Variants in PPP4R3A observed in about 807,000 individuals in gnomAD.
PPP4R3A encodes serine/threonine-protein phosphatase 4 regulatory subunit 3A.
A neutral mutation model predicts 91.7 loss-of-function variants in PPP4R3A; 15 were observed. The ratio of observed to expected loss-of-function variants is 0.16; its 90% CI spans 0.11 to 0.25. PPP4R3A has a LOEUF of 0.25. Among genes scored for constraint, PPP4R3A ranks in the 10% least tolerant of loss-of-function variants. The pLI is 1.00. For missense variants in PPP4R3A, 623 were observed against 998.4 expected (o/e 0.62, Z 5.07); for synonymous variants, 377 against 348.7 (o/e 1.08, Z -0.91).
At chr14:91,462,364 G>A in intron 12 of PPP4R3A, 125 bp from the exon 13 acceptor site, 7 of 954,198 alleles carry the variant, frequency 7.3e-6, no homozygotes, top group Non-Finnish European at 1.0e-5. Context: ...AAGTATCAAT[G>A]TAAATCCAGG....
At chr14:91,491,469 G>C (rs946437980) in intron 1 of PPP4R3A, among the ~76,000 whole-genome samples, 21 of 151,834 alleles carry the variant, frequency 1.4e-4, no homozygotes, top group Admixed American at 1.2e-3. Flanking sequence ...GTGCAGTGGC[G>C]CGATCTCGGC....
chr14:91,485,768 C>T lies in PPP4R3A; in HGVS notation c.199-38G>A, dbSNP rs1055204235. The stretch of plus-strand genomic sequence containing the variant: ...AAAAGGAGTCTGAATGATTAACATA[C>T]ACTATCACAAACGAAAATGAACAAA... On this transcript the variant is annotated intron_variant, in intron 2 of 14. Transcript: ENST00000554943. 8 of 1,395,966 alleles carry T rather than the reference C, an allele frequency of 5.7e-6. No individual in the cohort carries two copies. In the African/African-American group the frequency reaches 8.6e-5, roughly 15 times the overall value. The allele number at this position is 1,395,966 out of a possible 1,614,324, so 86.5% of individuals were successfully genotyped here. A position where few individuals can be genotyped will look rare whatever the true frequency, so the allele number is the denominator to read the frequency against.
At chr14:91,503,936 T>C (rs957511832) in intron 1 of PPP4R3A, among the ~76,000 whole-genome samples, 3 of 152,112 alleles carry the variant, frequency 2.0e-5, no homozygotes, top group African/African-American at 4.8e-5. Flanking sequence ...AGGTAATCTA[T>C]CTTCCTTAAA....
rs991629884 is a variant in PPP4R3A at position 91,457,612 on chromosome 14, T to G, written c.*1147A>C. 2.6e-5 allele frequency: 4 copies of G among 152,564 alleles called. No individual in the cohort carries two copies. The highest frequency in any genetic ancestry group is 9.7e-5 in the African/African-American group (4 of 41,450). 9.5% of individuals were successfully genotyped at this position (152,564 alleles called of 1,614,324 possible). On this transcript the variant is annotated 3_prime_UTR_variant, in exon 15 of 15. Transcript: ENST00000554943. Reference sequence around the variant, plus strand: ...ACAAGAAACATACAACTAATACAATTTCTCTTACTCTTCACTTTTCTTTTT... The same window carrying G: ...ACAAGAAACATACAACTAATACAATGTCTCTTACTCTTCACTTTTCTTTTT...
At chr14:91,463,882 A>C (rs1039756649) in intron 11 of PPP4R3A, among the ~76,000 whole-genome samples, 13 of 152,166 alleles carry the variant, frequency 8.5e-5, no homozygotes, top group Admixed American at 2.0e-4. Context: ...AGTACCCAAT[A>C]GGTAGTTTTT....
chr14:91,488,405 A>C (rs1414008707), intron 2 of PPP4R3A, among the ~76,000 whole-genome samples: 1 of 152,116 alleles, frequency 6.6e-6, no homozygotes, highest in Non-Finnish European at 1.5e-5. Context: ...AAACACCTCA[A>C]ACTCCACTTT....
chr14:91,481,096 G>C lies in PPP4R3A; in HGVS notation c.915+480C>G, dbSNP rs1595066865. ...ACCTGTAATCCCAGCACTTTGGGAG[G>C]CCAGGGCAGGCAGATTGCTTGAGCT... On this transcript the variant is annotated intron_variant, in intron 4 of 14. Coordinates refer to ENST00000554943, the MANE Select transcript of PPP4R3A (RefSeq NM_001366432.2). 3.3e-5 allele frequency among the ~76,000 whole-genome samples: 5 copies of C among 152,132 alleles called. No homozygotes were observed. The South Asian group carries it at 1.0e-3, about 32-fold the overall frequency.
chr14:91,491,936 TCAAA>T (rs1890252986), intron 1 of PPP4R3A, among the ~76,000 whole-genome samples: 1 of 149,246 alleles, frequency 6.7e-6, no homozygotes, highest in African/African-American at 2.5e-5. Context: ...GTCTCTGGGC[TCAAA>T]CAATCTACCC....
intron 2 of PPP4R3A, among the ~76,000 whole-genome samples, chr14:91,489,706 C>T (rs1890121607): frequency 6.6e-6 from 1 of 152,140 alleles, no homozygotes; most frequent in African/African-American, 2.4e-5. Context: ...GTATGGAAGA[C>T]CAAAGCCAAA....
At chr14:91,476,553 TA>T (rs771687061) in intron 5 of PPP4R3A, 29 bp from the exon 6 acceptor site, 3 of 1,420,820 alleles carry the variant, frequency 2.1e-6, no homozygotes, top group Non-Finnish European at 2.9e-6. Flanking sequence ...ATAAGTGATA[TA>T]AAAAGTTTAT....
chr14:91,481,476 T>A, intron 4 of PPP4R3A, 100 bp downstream of exon 4: 1 of 1,242,078 alleles, frequency 8.1e-7, no homozygotes, highest in Non-Finnish European at 1.1e-6. Flanking sequence ...TACTTAACTT[T>A]ATACATTAAC....
chr14:91,479,157 A>G (rs1038011918), intron 4 of PPP4R3A, among the ~76,000 whole-genome samples: 1 of 151,918 alleles, frequency 6.6e-6, no homozygotes, highest in African/African-American at 2.4e-5. Context: ...TAATTTTTGT[A>G]GTTTTAGTAG....
chr14:91,462,108 T>A lies in PPP4R3A; in HGVS notation c.2105A>T (p.Lys702Ile). ...CATAATATCATCATCATTTTTAGTTTTGTCAGATGGAGACACTACAGCTTC... is the reference window on the plus strand; with the variant it reads ...CATAATATCATCATCATTTTTAGTTATGTCAGATGGAGACACTACAGCTTC... ...DGEAVVSPSD[K>I]TKNDDDIMDP... The change falls in exon 13 of 15, where the codon AAA becomes ATA. Residue 702 changes from lysine (K) to isoleucine (I), a missense_variant. By Grantham distance (102) the Lys-to-Ile change is moderately radical. Transcript: ENST00000554943. 6.4e-7 allele frequency: 1 copy of A among 1,571,466 alleles called. No individual in the cohort carries two copies. Among genetic ancestry groups the A allele is most frequent in the Non-Finnish European group, 8.6e-7 (1 of 1,163,692 alleles).
chr14:91,505,281 T>C (rs1891223396), intron 1 of PPP4R3A, among the ~76,000 whole-genome samples: 1 of 152,004 alleles, frequency 6.6e-6, no homozygotes, highest in Non-Finnish European at 1.5e-5. Flanking sequence ...GGTGAAACCG[T>C]GTCCCTACTA....
chr14:91,482,793 G>C (rs747088081), intron 3 of PPP4R3A, among the ~76,000 whole-genome samples: 4 of 152,168 alleles, frequency 2.6e-5, no homozygotes, highest in Non-Finnish European at 5.9e-5. Context: ...ACCAAAGTGA[G>C]TCACTGATCT....
At chr14:91,505,031 G>A (rs976933820) in intron 1 of PPP4R3A, among the ~76,000 whole-genome samples, 4 of 152,082 alleles carry the variant, frequency 2.6e-5, no homozygotes, top group Admixed American at 6.6e-5. Context: ...ATTCCCAAAC[G>A]CTTTGTCATT....
intron 1 of PPP4R3A, among the ~76,000 whole-genome samples, chr14:91,503,377 T>G (rs1891079756): frequency 6.6e-6 from 1 of 151,604 alleles, no homozygotes; most frequent in South Asian, 2.1e-4. Flanking sequence ...AGCCTCGACC[T>G]CTGGGCTCAA....
At chr14:91,501,031 C>G (rs1890913289) in intron 1 of PPP4R3A, among the ~76,000 whole-genome samples, 1 of 151,964 alleles carries the variant, frequency 6.6e-6, no homozygotes, top group Admixed American at 6.6e-5. Context: ...GACCCTGTCT[C>G]TAAAATTTAA....
chr14:91,509,717 G>C lies in PPP4R3A; in HGVS notation c.-70C>G, dbSNP rs886430093. The C allele has an allele frequency of 6.8e-6, 10 of 1,475,726 alleles. No homozygotes were observed. The Admixed American group carries it at 1.9e-4, about 28-fold the overall frequency. 91.4% of individuals were successfully genotyped at this position (1,475,726 alleles called of 1,614,324 possible). ...CAGGAAAGGGGCCCTGGAGAGGCGA[G>C]GGGCGAGGCGTGAGGGCGCCCGCGA... On this transcript the variant is annotated 5_prime_UTR_variant, in exon 1 of 15. Coordinates refer to ENST00000554943, the MANE Select transcript of PPP4R3A (RefSeq NM_001366432.2).
Sources: gnomAD v4.1 joint callset for allele counts (sites outside exome capture counted in the v4.1 genomes callset) on GRCh38, gnomAD v4.1.1 for gene constraint, MANE v1.5 for transcripts, NCBI Gene and HGNC (gene_info 2026-07-23, HGNC 2026-07-21) for gene names.